The following PREX1 variants were observed in gnomAD, a reference collection of about 807,000 sequenced individuals.
PREX1 encodes the protein phosphatidylinositol 3,4,5-trisphosphate-dependent Rac exchanger 1 protein.
PREX1 carries 41 observed loss-of-function variants against 198.3 expected under a neutral mutation model. The ratio of observed to expected loss-of-function variants is 0.21; its 90% CI spans 0.16 to 0.27. The LOEUF (loss-of-function observed/expected upper bound fraction) is 0.27. Ranked by LOEUF, PREX1 falls within the 10% of genes least tolerant of loss-of-function variation. The pLI is 1.00. For missense variants in PREX1, 1,620 were observed against 2,200.7 expected (o/e 0.74, Z 5.28); for synonymous variants, 843 against 887.2 (o/e 0.95, Z 0.89).
At chr20:48,750,225 A>C (rs1382002812) in intron 1 of PREX1, among the ~76,000 whole-genome samples, 2 of 151,890 alleles carry the variant, frequency 1.3e-5, no homozygotes, top group East Asian at 1.9e-4. Context: ...CTCCACAGCC[A>C]CCACCCCCCC....
intron 1 of PREX1, among the ~76,000 whole-genome samples, chr20:48,767,035 T>C (rs537121632): frequency 6.6e-6 from 1 of 152,332 alleles, no homozygotes; most frequent in South Asian, 2.1e-4. Flanking sequence ...CAGGGCCTGC[T>C]GACCTGGTTG....
chr20:48,848,608 G>A, the PREX1 span, among the ~76,000 whole-genome samples: 1 of 152,046 alleles, frequency 6.6e-6, no homozygotes, highest in Non-Finnish European at 1.5e-5. Context: ...TCTCCTGCAA[G>A]GCTAAAATAC....
At chr20:48,872,424 G>A in the PREX1 span, among the ~76,000 whole-genome samples, 5 of 152,102 alleles carry the variant, frequency 3.3e-5, no homozygotes, top group Non-Finnish European at 7.3e-5. Flanking sequence ...ACAGGCTTGA[G>A]ATCAACTAAG....
chr20:48,726,004 G>A (rs150110705), intron 5 of PREX1, among the ~76,000 whole-genome samples: 1 of 152,210 alleles, frequency 6.6e-6, no homozygotes, highest in Non-Finnish European at 1.5e-5. Flanking sequence ...ATGAATCTCA[G>A]GACTTTCCTC....
At chr20:48,692,284 A>T (rs747381374) in intron 8 of PREX1, 1 of 185,928 alleles carries the variant, frequency 5.4e-6, no homozygotes, top group Non-Finnish European at 1.2e-5. Context: ...ACATATATGT[A>T]AAGCCACTTA....
chr20:48,646,356 C>A (rs574174310), intron 25 of PREX1, among the ~76,000 whole-genome samples: 1 of 152,150 alleles, frequency 6.6e-6, no homozygotes, highest in African/African-American at 2.4e-5. Flanking sequence ...AGCAAATGGG[C>A]GTGGCTGTGT....
chr20:48,727,385 C>T (rs1031544774), intron 4 of PREX1, among the ~76,000 whole-genome samples: 1 of 152,138 alleles, frequency 6.6e-6, no homozygotes, highest in Admixed American at 6.5e-5. Context: ...GTCAATACTT[C>T]CGCCCTGCAG....
chr20:48,642,049 G>C (rs1449973606), intron 29 of PREX1, 119 bp downstream of exon 29: 2 of 1,050,888 alleles, frequency 1.9e-6, no homozygotes, highest in African/African-American at 3.1e-5. Flanking sequence ...TCGCTGTCCT[G>C]ATGATCCTAC....
chr20:48,656,315 C>A (rs984618248), intron 18 of PREX1, among the ~76,000 whole-genome samples: 1 of 152,110 alleles, frequency 6.6e-6, no homozygotes, highest in African/African-American at 2.4e-5. Flanking sequence ...CTCCTCAGCT[C>A]CCCCGAGAGC....
At chr20:48,695,190 A>G (rs767704777) in intron 7 of PREX1, among the ~76,000 whole-genome samples, 2 of 152,188 alleles carry the variant, frequency 1.3e-5, no homozygotes, top group Admixed American at 6.5e-5. Context: ...GACAAGGGTA[A>G]CCACTGTCCT....
At chr20:48,852,934 G>A in the PREX1 span, among the ~76,000 whole-genome samples, 4 of 152,114 alleles carry the variant, frequency 2.6e-5, no homozygotes, top group Non-Finnish European at 5.9e-5. Flanking sequence ...GAGTGGAGTG[G>A]GTAACCACTT....
Position 48,651,530 on chromosome 20 carries a change from T to C in PREX1, c.2521A>G (p.Met841Val). The C allele has an allele frequency of 6.2e-7, 1 of 1,614,156 alleles. No individual in the cohort carries two copies. Residue 841 changes from methionine (M) to valine (V), a missense_variant, in exon 22 of 40, where the codon ATG (methionine) becomes GTG (valine). Physicochemically the swap from Met to Val is conservative, Grantham distance 21. Around this residue, in one of 7 missense-constraint regions of PREX1, gnomAD observed 514 missense variants for 611.6 expected, o/e 0.84. Coordinates refer to ENST00000371941, the MANE Select transcript of PREX1 (RefSeq NM_020820.4). ...ACGTTGTCCACAGTCAGGGTGACCA[T>C]GGGGCTGTCCTCACACAGGCTCAGC... The part of the protein sequence containing the change: ...PRLSLCEDSP[M>V]VTLTVDNVHL...
intron 18 of PREX1, among the ~76,000 whole-genome samples, chr20:48,655,620 C>A (rs950125796): frequency 5.0e-4 from 76 of 152,330 alleles, no homozygotes; most frequent in African/African-American, 1.7e-3. Context: ...GAGCTTCTGT[C>A]CTCGAACAGA....
chr20:48,636,712 G>C, intron 31 of PREX1, 29 bp from the exon 32 acceptor site: 1 of 1,558,020 alleles, frequency 6.4e-7, no homozygotes, highest in Non-Finnish European at 8.7e-7. Context: ...AGGCCTTGCT[G>C]GAGGGGCGCT....
chr20:48,689,623 C>T (rs1006323275), intron 9 of PREX1, among the ~76,000 whole-genome samples: 1 of 152,184 alleles, frequency 6.6e-6, no homozygotes, highest in Non-Finnish European at 1.5e-5. Flanking sequence ...AGATACTGAT[C>T]GGCCTCACCT....
chr20:48,812,760 T>G (rs761444940), intron 1 of PREX1, among the ~76,000 whole-genome samples: 1 of 152,010 alleles, frequency 6.6e-6, no homozygotes, highest in African/African-American at 2.4e-5. Flanking sequence ...AGGCAGGCAG[T>G]CAGGATTTGA....
chr20:48,650,978 G>A lies in PREX1; in HGVS notation c.2733C>T (p.Ile911=), dbSNP rs747143480. ...CRRLMALSSA[I]VTMPHFEFRN... is the part of the protein sequence containing the mutation. ...GGAACTCAAAGTGGGGCATGGTCAC[G>A]ATGGCGCTGCTCAGGGCCATGAGCC... The change falls in exon 23 of 40, where the codon ATC becomes ATT. Residue 911 remains isoleucine (I), a synonymous_variant. Transcript: ENST00000371941. 68 of 1,614,086 alleles carry A rather than the reference G, an allele frequency of 4.2e-5. No homozygotes were observed. The highest frequency in any genetic ancestry group is 5.4e-5 in the Non-Finnish European group (64 of 1,180,046).
intron 15 of PREX1, among the ~76,000 whole-genome samples, chr20:48,663,447 A>C (rs1355012770): frequency 6.6e-6 from 1 of 152,150 alleles, no homozygotes; most frequent in Non-Finnish European, 1.5e-5. Flanking sequence ...GAATCACTTG[A>C]ACCTGGGAGG....
chr20:48,682,021 C>G (rs552772919), intron 10 of PREX1, among the ~76,000 whole-genome samples: 5 of 152,202 alleles, frequency 3.3e-5, no homozygotes, highest in Admixed American at 2.6e-4. Context: ...AGGCTTACTA[C>G]TCACAAAAAA....
Sources: gnomAD v4.1 joint callset for allele counts (sites outside exome capture counted in the v4.1 genomes callset) on GRCh38, gnomAD v4.1.1 for gene constraint, gnomAD v4.1.1 regional missense constraint, MANE v1.5 for transcripts, NCBI Gene and HGNC (gene_info 2026-07-23, HGNC 2026-07-21) for gene names.